The following NKAIN2 variants were observed in gnomAD, a reference collection of about 807,000 sequenced individuals.
NKAIN2 encodes sodium/potassium-transporting ATPase subunit beta-1-interacting protein 2.
NKAIN2 carries 14 observed loss-of-function variants against 32.6 expected under a neutral mutation model. The observed-to-expected ratio is 0.43, with a 90% CI of 0.28 to 0.67. The LOEUF is 0.67. Ranked by LOEUF, NKAIN2 falls within the 30% of genes least tolerant of loss-of-function variation. The pLI is 0.17. For synonymous variants in NKAIN2, 80 were observed against 87.2 expected (o/e 0.92, Z 0.46); for missense variants, 198 against 258.3 (o/e 0.77, Z 1.60).
intron 3 of NKAIN2, among the ~76,000 whole-genome samples, chr6:124,513,059 T>A (rs1009647224): frequency 2.6e-5 from 4 of 152,110 alleles, no homozygotes; most frequent in African/African-American, 4.8e-5. Context: ...CTCTAGGAGA[T>A]AAAGGCAAAA....
chr6:123,934,180 T>C (rs575766725), intron 1 of NKAIN2, among the ~76,000 whole-genome samples: 3 of 152,324 alleles, frequency 2.0e-5, no homozygotes, highest in African/African-American at 7.2e-5. Flanking sequence ...TTAGAAGATC[T>C]TTATAATCAA....
intron 1 of NKAIN2, among the ~76,000 whole-genome samples, chr6:124,246,354 C>A (rs1793396578): frequency 1.3e-5 from 2 of 151,996 alleles, no homozygotes; most frequent in Non-Finnish European, 2.9e-5. Context: ...TCAGTATCAC[C>A]CAACTTGACT....
chr6:123,897,327 T>A (rs1191857247), intron 1 of NKAIN2, among the ~76,000 whole-genome samples: 2 of 152,170 alleles, frequency 1.3e-5, no homozygotes, highest in African/African-American at 4.8e-5. Flanking sequence ...TTGACATACT[T>A]ATGGCTCCCT....
At chr6:124,227,107 T>A (rs1309468228) in intron 1 of NKAIN2, among the ~76,000 whole-genome samples, 1 of 138,074 alleles carries the variant, frequency 7.2e-6, no homozygotes, top group Admixed American at 7.3e-5. Flanking sequence ...AAAGAAAAAG[T>A]TACTAATACT....
At chr6:124,700,160 AAGTG>A (rs772563323) in intron 4 of NKAIN2, among the ~76,000 whole-genome samples, 3 of 152,168 alleles carry the variant, frequency 2.0e-5, no homozygotes, top group Non-Finnish European at 4.4e-5. Context: ...CAACCTGCTT[AAGTG>A]AGTGACTCTA....
At chr6:124,368,145 T>C (rs1799603618) in intron 3 of NKAIN2, among the ~76,000 whole-genome samples, 1 of 152,108 alleles carries the variant, frequency 6.6e-6, no homozygotes, top group South Asian at 2.1e-4. Context: ...TCCTCTAGTT[T>C]TTCTTTATTT....
chr6:124,446,960 A>G (rs1306790106), intron 3 of NKAIN2, among the ~76,000 whole-genome samples: 1 of 152,118 alleles, frequency 6.6e-6, no homozygotes. Flanking sequence ...TACATCCTAC[A>G]ATGCACAGGA....
chr6:124,505,400 A>T lies in NKAIN2; in HGVS notation c.273+150053A>T, dbSNP rs149616211. Reference sequence around the variant, plus strand: ...TGTATTTAAATGAAGCTATGTTATAAAGCCGACTAGGAAAAAGACATCTAA... The same window carrying T: ...TGTATTTAAATGAAGCTATGTTATATAGCCGACTAGGAAAAAGACATCTAA... On this transcript the variant is annotated intron_variant, in intron 3 of 6. Transcript: ENST00000368417. 1.6e-3 allele frequency among the ~76,000 whole-genome samples: 238 copies of T among 152,294 alleles called. 9 individuals are homozygous for T. In the East Asian group the frequency reaches 0.037, roughly 24 times the overall value.
intron 1 of NKAIN2, among the ~76,000 whole-genome samples, chr6:123,883,452 G>A (rs1444647752): frequency 1.9e-5 from 2 of 105,268 alleles, no homozygotes; most frequent in Non-Finnish European, 3.5e-5. Flanking sequence ...GCGTGAGTGA[G>A]TTCTTGTGAG....
At chr6:123,967,436 T>G (rs1778135076) in intron 1 of NKAIN2, among the ~76,000 whole-genome samples, 1 of 152,208 alleles carries the variant, frequency 6.6e-6, no homozygotes, top group Non-Finnish European at 1.5e-5. Flanking sequence ...CAAGCACCAT[T>G]TCTGTAGTTA....
intron 1 of NKAIN2, among the ~76,000 whole-genome samples, chr6:124,128,227 T>C (rs1338350010): frequency 2.0e-5 from 3 of 152,204 alleles, no homozygotes; most frequent in Admixed American, 2.0e-4. Context: ...TCTGATGCTG[T>C]TGTTAGCATA....
intron 4 of NKAIN2, among the ~76,000 whole-genome samples, chr6:124,684,080 G>T (rs1330532570): frequency 1.3e-5 from 2 of 152,128 alleles, no homozygotes; most frequent in Admixed American, 1.3e-4. Flanking sequence ...TTTTTTCTTA[G>T]TGATATAATA....
At chr6:124,410,284 T>C (rs995662119) in intron 3 of NKAIN2, among the ~76,000 whole-genome samples, 1 of 152,166 alleles carries the variant, frequency 6.6e-6, no homozygotes, top group Admixed American at 6.5e-5. Context: ...AATTGTGATG[T>C]TAGGGTGTCA....
intron 3 of NKAIN2, among the ~76,000 whole-genome samples, chr6:124,516,780 C>A (rs961812508): frequency 7.9e-5 from 12 of 152,208 alleles, no homozygotes; most frequent in Admixed American, 2.6e-4. Flanking sequence ...TTTCTCTGCT[C>A]GTCAAAGAGT....
intron 1 of NKAIN2, among the ~76,000 whole-genome samples, chr6:123,928,917 A>G (rs1776130850): frequency 6.6e-6 from 1 of 152,182 alleles, no homozygotes. Context: ...AGAATTCTGT[A>G]CAGTTATAGA....
chr6:124,109,664 G>A (rs1161182151), intron 1 of NKAIN2, among the ~76,000 whole-genome samples: 1 of 152,108 alleles, frequency 6.6e-6, no homozygotes, highest in East Asian at 1.9e-4. Context: ...AGTGGTGAGA[G>A]TGGCATTCTT....
At chr6:123,894,465 A>G (rs534086021) in intron 1 of NKAIN2, among the ~76,000 whole-genome samples, 1 of 152,318 alleles carries the variant, frequency 6.6e-6, no homozygotes, top group Admixed American at 6.5e-5. Flanking sequence ...AGGTTAGAGA[A>G]GGTGTATGGA....
intron 4 of NKAIN2, among the ~76,000 whole-genome samples, chr6:124,687,401 G>A (rs1283661545): frequency 6.9e-5 from 7 of 101,430 alleles, no homozygotes; most frequent in African/African-American, 2.3e-4. Context: ...CCATGTATGT[G>A]TATGTATGGA....
intron 1 of NKAIN2, among the ~76,000 whole-genome samples, chr6:124,199,252 A>G (rs1473737071): frequency 6.6e-6 from 1 of 152,176 alleles, no homozygotes; most frequent in Non-Finnish European, 1.5e-5. Flanking sequence ...AAGGAAGTAG[A>G]AGAAAAATCC....
Sources: gnomAD v4.1 joint callset for allele counts (sites outside exome capture counted in the v4.1 genomes callset) on GRCh38, gnomAD v4.1.1 for gene constraint, MANE v1.5 for transcripts, NCBI Gene and HGNC (gene_info 2026-07-23, HGNC 2026-07-21) for gene names.